Variants in FAM186A observed in about 807,000 individuals in gnomAD.
FAM186A encodes family with sequence similarity 186 member A, also known as protein FAM186A.
Under a neutral mutation model 216.8 loss-of-function variants are expected in FAM186A, and 163 were observed. The observed-to-expected ratio is 0.75, with a 90% CI of 0.66 to 0.86. FAM186A has a LOEUF of 0.86. Among genes scored for constraint, FAM186A ranks in the 40% least tolerant of loss-of-function variants. The pLI is 0.00. For synonymous variants in FAM186A, 805 were observed against 1,025.3 expected, an observed-to-expected ratio of 0.79 and a Z score of 4.10; for missense variants, 2,184 against 2,746.2, an observed-to-expected ratio of 0.80 and a Z score of 4.58.
At chr12:50,364,764 A>G (rs1344088582) in intron 1 of FAM186A, among the ~76,000 whole-genome samples, 3 of 150,450 alleles carry the variant, frequency 2.0e-5, no homozygotes, top group Admixed American at 1.3e-4. Flanking sequence ...TTGGCCAGGC[A>G]TGGTGGCTCA....
At chr12:50,388,951 G>T (rs1039029866) in intron 1 of FAM186A, among the ~76,000 whole-genome samples, 1 of 151,934 alleles carries the variant, frequency 6.6e-6, no homozygotes, top group South Asian at 2.1e-4. Context: ...TCGGAAGTCC[G>T]AAGCGGGAGG....
At position 50,350,395 on chromosome 12, in the gene FAM186A, A is replaced by G. The variant is rs1020942965; in HGVS notation, c.6437T>C (p.Met2146Thr). The G allele has an allele frequency of 2.1e-5, 33 of 1,551,418 alleles. No homozygotes were observed. The East Asian group carries it at 6.8e-4, about 32-fold the overall frequency. ...TAAGTATCCCAACTGAACTGTGTCC[A>G]TATGAAGTATCTCAATTATGAGAGT... ...ARTLIIEILHMDTVQLGYLFR... is the reference protein window; with the variant it reads ...ARTLIIEILHTDTVQLGYLFR... The change falls in exon 4 of 8, where the codon ATG (methionine) becomes ACG (threonine). Residue 2146 changes from methionine (M) to threonine (T), a missense_variant. Around this residue, in one of 7 missense-constraint regions of FAM186A, gnomAD observed 721 missense variants for 816.4 expected, o/e 0.88. Coordinates refer to ENST00000327337, the MANE Select transcript of FAM186A (RefSeq NM_001145475.3).
chr12:50,386,098 T>A (rs1943300528), intron 1 of FAM186A, among the ~76,000 whole-genome samples: 1 of 152,128 alleles, frequency 6.6e-6, no homozygotes. Flanking sequence ...ACTTGAAGAT[T>A]GCTGAGAGGA....
At position 50,355,291 on chromosome 12, in the gene FAM186A, GATTT is replaced by G; in HGVS notation, c.1537_1540del (p.Lys513GlnfsTer14). On this transcript the variant is annotated frameshift_variant, in exon 4 of 8. Transcript: ENST00000327337. LOFTEE classifies it high-confidence loss of function. ...TCTTTTTGCTTCAGTGGGTGACTTT[GATTT>G]ATCTTCAGAAAAGGATTTCATTTCT... The G allele has an allele frequency of 6.4e-6, 10 of 1,550,966 alleles. No individual in the cohort carries two copies. Among genetic ancestry groups the G allele is most frequent in the African/African-American group, 1.4e-5 (1 of 73,040 alleles).
At chr12:50,359,755 CATT>C (rs1262564938) in intron 3 of FAM186A, among the ~76,000 whole-genome samples, 14 of 152,176 alleles carry the variant, frequency 9.2e-5, no homozygotes, top group African/African-American at 3.4e-4. Context: ...ATTTCAAAAA[CATT>C]ATGCTAGTTG....
intron 1 of FAM186A, chr12:50,365,939 T>C (rs1013680714): frequency 1.3e-6 from 1 of 763,662 alleles, no homozygotes; most frequent in South Asian, 1.3e-5. Flanking sequence ...CAACTGTCCA[T>C]GTGGGCCCTC....
rs971610880 is a variant in FAM186A, at chr12:50,396,565, A to G, written c.-81T>C. On this transcript the variant is annotated 5_prime_UTR_variant, in exon 1 of 8. Coordinates refer to ENST00000327337, the MANE Select transcript of FAM186A (RefSeq NM_001145475.3). ...ATGCTAATAAAGATATCCAGTAGGA[A>G]GCTAGGAGAGGTCTTTCCTGATCCT... is the stretch of plus-strand genomic sequence containing the variant. 4 of 1,355,304 alleles carry G rather than the reference A, an allele frequency of 3.0e-6. No homozygotes were observed. Among genetic ancestry groups the G allele is most frequent in the Non-Finnish European group, 4.0e-6 (4 of 1,005,706 alleles). The allele number at this position is 1,355,304 out of a possible 1,614,324, so 84.0% of individuals were successfully genotyped here.
intron 1 of FAM186A, among the ~76,000 whole-genome samples, chr12:50,371,532 T>C (rs1943142561): frequency 1.3e-5 from 2 of 152,178 alleles, no homozygotes; most frequent in African/African-American, 2.4e-5. Flanking sequence ...GCTGAGTGAA[T>C]AAGCCAGTCA....
chr12:50,365,976 C>A, intron 1 of FAM186A: 1 of 767,548 alleles, frequency 1.3e-6, no homozygotes, highest in South Asian at 1.3e-5. Context: ...TATCACTAGG[C>A]TAAAACTGGA....
chr12:50,330,487 G>A (rs937401211), intron 7 of FAM186A, 86 bp downstream of exon 7: 2 of 1,354,008 alleles, frequency 1.5e-6, no homozygotes, highest in Non-Finnish European at 1.0e-6. Flanking sequence ...GATGTACCTG[G>A]TGCTACAGGA....
In FAM186A at chr12:50,373,346, G is replaced by A. The variant is rs567572110; in HGVS notation, c.193-9982C>T. On this transcript the variant is annotated intron_variant, in intron 1 of 7. Transcript: ENST00000327337. ...CGGCAGGCAGAGGTTGCAGTGAGCC[G>A]AGACCACACCATTGCACTCCAGCCT... Among the ~76,000 whole-genome samples the A allele has an allele frequency of 2.6e-5, 4 of 152,076 alleles. No individual in the cohort carries two copies. In the South Asian group the frequency reaches 6.2e-4, roughly 24 times the overall value.
intron 3 of FAM186A, 104 bp downstream of exon 3, chr12:50,360,652 A>G: frequency 9.8e-7 from 1 of 1,017,372 alleles, no homozygotes; most frequent in Non-Finnish European, 1.4e-6. Flanking sequence ...GCCACTGCAC[A>G]CCAGCCTGGG....
At chr12:50,387,024 G>A (rs933295633) in intron 1 of FAM186A, among the ~76,000 whole-genome samples, 1 of 151,902 alleles carries the variant, frequency 6.6e-6, no homozygotes, top group Non-Finnish European at 1.5e-5. Context: ...CAGACCAAAT[G>A]TGGGGTCGGA....
At chr12:50,344,020 A>G (rs1244612905) in intron 4 of FAM186A, among the ~76,000 whole-genome samples, 3 of 146,260 alleles carry the variant, frequency 2.1e-5, no homozygotes, top group African/African-American at 5.1e-5. Context: ...CCAAAGTACT[A>G]GGATTACAGG....
At chr12:50,346,891 A>C (rs997111153) in intron 4 of FAM186A, among the ~76,000 whole-genome samples, 3 of 151,078 alleles carry the variant, frequency 2.0e-5, no homozygotes, top group African/African-American at 7.3e-5. Flanking sequence ...AAAAATCAAA[A>C]TTTTTTGCAT....
chr12:50,351,061 A>G lies in FAM186A; in HGVS notation c.5771T>C (p.Ile1924Thr), dbSNP rs1370965821. ...GGGAGGATGTCTAGAGGTGGGAGGG[A>G]TCCATAATGAAGAAGCTCGCCCAGG... ...TLPGRASSLW[I>T]PPTSRHPPTL... The change falls in exon 4 of 8, where the codon ATC (isoleucine) becomes ACC (threonine). Residue 1924 changes from isoleucine (I) to threonine (T), a missense_variant. Transcript: ENST00000327337. 6.4e-7 allele frequency: 1 copy of G among 1,551,250 alleles called. No homozygotes were observed. Among genetic ancestry groups the G allele is most frequent in the Admixed American group, 2.0e-5 (1 of 50,946 alleles).
intron 1 of FAM186A, among the ~76,000 whole-genome samples, chr12:50,381,620 A>C (rs1052577842): frequency 1.3e-5 from 2 of 152,212 alleles, no homozygotes; most frequent in African/African-American, 4.8e-5. Context: ...GAAACCAAAA[A>C]AGAACAGGAG....
chr12:50,344,326 G>A (rs1942792503), intron 4 of FAM186A, among the ~76,000 whole-genome samples: 1 of 151,982 alleles, frequency 6.6e-6, no homozygotes, highest in Admixed American at 6.6e-5. Flanking sequence ...ATGTCCCTGT[G>A]TACCCAACAT....
chr12:50,346,847 A>AAAAAT (rs201063779), intron 4 of FAM186A, among the ~76,000 whole-genome samples: 61 of 151,882 alleles, frequency 4.0e-4, no homozygotes, highest in Admixed American at 2.4e-3. Flanking sequence ...ACTCTGTTTC[A>AAAAAT]AAAATAAAAT....
Sources: gnomAD v4.1 joint callset for allele counts (sites outside exome capture counted in the v4.1 genomes callset) on GRCh38, gnomAD v4.1.1 for gene constraint, gnomAD v4.1.1 regional missense constraint, MANE v1.5 for transcripts, NCBI Gene and HGNC (gene_info 2026-07-23, HGNC 2026-07-21) for gene names.